ALG12: variants seen among roughly 807,000 people sequenced by gnomAD.
ALG12 encodes the protein ALG12 alpha-1,6-mannosyltransferase.
A neutral mutation model predicts 46.0 loss-of-function variants in ALG12; 36 were observed. That is an observed-to-expected ratio of 0.78 (90% confidence interval 0.60 to 1.03). The LOEUF (loss-of-function observed/expected upper bound fraction) is 1.03. ALG12 is among the 50% of genes least tolerant of loss of function. The pLI is 0.00. For synonymous variants in ALG12, 326 were observed against 291.6 expected (o/e 1.12, Z -1.20); for missense variants, 599 against 633.5 (o/e 0.95, Z 0.58).
At chr22:49,890,705 C>G in the ALG12 span, among the ~76,000 whole-genome samples, 583 of 152,234 alleles carry the variant, frequency 3.8e-3, 4 homozygotes, top group African/African-American at 0.012. Context: ...CTAACTTTCT[C>G]AAAACACTCT....
rs761255281 is a variant in ALG12, at chr22:49,901,246, T to G, written c.*2592A>C. 6 of 152,274 alleles carry G rather than the reference T, an allele frequency of 3.9e-5. No individual in the cohort carries two copies. The highest frequency in any genetic ancestry group is 5.9e-5 in the Non-Finnish European group (4 of 68,072). 9.4% of individuals were successfully genotyped at this position (152,274 alleles called of 1,614,324 possible). Reference sequence around the variant, plus strand: ...GGATGGATGGGGGAGGGAGCCCATGTCTGTGGGATGCTGGGGCCAGGAAGC... The same window carrying G: ...GGATGGATGGGGGAGGGAGCCCATGGCTGTGGGATGCTGGGGCCAGGAAGC... On this transcript the variant is annotated 3_prime_UTR_variant, in exon 10 of 10. Transcript: ENST00000330817.
Position 49,909,268 on chromosome 22 carries a change from G to A in ALG12, c.744C>T (p.Val248=). Reference sequence around the variant, plus strand: ...CCCCCCAGTTGGAGCTTTTGTTCAGGACAGTGTTGTACCAAAGCACCTTTC... The same window carrying A: ...CCCCCCAGTTGGAGCTTTTGTTCAGAACAGTGTTGTACCAAAGCACCTTTC... ...PEGKVLWYNT[V]LNKSSNWGTS... Residue 248 remains valine (V), a synonymous_variant, in exon 6 of 10, where the codon GTC becomes GTT. Transcript: ENST00000330817. 3.1e-6 allele frequency: 5 copies of A among 1,614,220 alleles called. No individual in the cohort carries two copies. In the South Asian group the frequency reaches 4.4e-5, roughly 14 times the overall value.
chr22:49,863,152 C>G, the ALG12 span, among the ~76,000 whole-genome samples: 1 of 152,098 alleles, frequency 6.6e-6, no homozygotes, highest in African/African-American at 2.4e-5. Context: ...GTTCCTCTAT[C>G]CTTTGGTTTC....
Position 49,906,342 on chromosome 22 carries a change from C to T in ALG12, c.992+1379G>A, listed in dbSNP as rs985071366. On this transcript the variant is annotated intron_variant, in intron 7 of 9. Transcript: ENST00000330817. The surrounding 1 kb of genome is among the most constrained non-coding windows in gnomAD (Gnocchi z 4.4). The stretch of plus-strand genomic sequence containing the variant: ...GTCTGCTCCTCCTCCAGCCCTGAGC[C>T]GACCCCTGAGACGAGAGGGAGCCAA... Among the ~76,000 whole-genome samples, 2 of 152,290 alleles carry T rather than the reference C, an allele frequency of 1.3e-5. No homozygotes were observed. Among genetic ancestry groups the T allele is most frequent in the South Asian group, 2.1e-4 (1 of 4,828 alleles).
chr22:49,888,427 T>A, the ALG12 span: 1 of 167,240 alleles, frequency 6.0e-6, no homozygotes, highest in East Asian at 1.9e-4. Flanking sequence ...AAATTAAACT[T>A]CTTATTTGCA....
At chr22:49,888,514 T>G in the ALG12 span, 3 of 167,290 alleles carry the variant, frequency 1.8e-5, no homozygotes, top group Admixed American at 6.5e-5. Context: ...GTCCATTATC[T>G]AGAGCCCATA....
chr22:49,917,951 C>T (rs1252438224), intron 1 of ALG12, among the ~76,000 whole-genome samples: 1 of 151,526 alleles, frequency 6.6e-6, no homozygotes, highest in Non-Finnish European at 1.5e-5. Context: ...GAGGTCCGGC[C>T]CCAGGTGAGG....
chr22:49,863,476 A>T, the ALG12 span, among the ~76,000 whole-genome samples: 1 of 152,138 alleles, frequency 6.6e-6, no homozygotes, highest in Non-Finnish European at 1.5e-5. Context: ...AAAATACAAA[A>T]ATTAGCTGGG....
the ALG12 span, among the ~76,000 whole-genome samples, chr22:49,890,894 AC>A: frequency 2.0e-5 from 3 of 152,018 alleles, no homozygotes; most frequent in African/African-American, 7.2e-5. Flanking sequence ...GGTGGCAGGC[AC>A]CTCTAGTCCC....
In ALG12 at chr22:49,904,326, C is replaced by G; in HGVS notation, c.1162+11G>C. 1 of 1,614,196 alleles carries G rather than the reference C, an allele frequency of 6.2e-7. No homozygotes were observed. Reference sequence around the variant, plus strand: ...CCACAGCAGTCCCCAGGCAGTGCCCCCAGCACCCACCTGTCTGGGGGGGCA... The same window carrying G: ...CCACAGCAGTCCCCAGGCAGTGCCCGCAGCACCCACCTGTCTGGGGGGGCA... On this transcript the variant is annotated intron_variant, in intron 8 of 9. Coordinates refer to ENST00000330817, the MANE Select transcript of ALG12 (RefSeq NM_024105.4).
At chr22:49,862,320 A>T in the ALG12 span, among the ~76,000 whole-genome samples, 1 of 152,180 alleles carries the variant, frequency 6.6e-6, no homozygotes, top group Non-Finnish European at 1.5e-5. Flanking sequence ...TTTTGCTGAG[A>T]CTGGAATTGA....
chr22:49,892,524 T>C, the ALG12 span, among the ~76,000 whole-genome samples: 54,266 of 152,202 alleles, frequency 0.36, 13,869 homozygotes, highest in African/African-American at 0.73. Context: ...TGCTTGTGCT[T>C]GAGGCAAGAG....
intron 3 of ALG12, among the ~76,000 whole-genome samples, chr22:49,913,028 C>T (rs1003555842): frequency 5.9e-5 from 9 of 152,172 alleles, no homozygotes; most frequent in Non-Finnish European, 1.3e-4. Flanking sequence ...TAACATTCCC[C>T]AAGGCAAATG....
At position 49,902,399 on chromosome 22, in the gene ALG12, GGT is replaced by G. The variant is rs1244077150; in HGVS notation, c.*1437_*1438del. On this transcript the variant is annotated 3_prime_UTR_variant, in exon 10 of 10. Transcript: ENST00000330817. ...TGCACGGTGTGTGGTGTGTATGCAT[GGT>G]GTGTGCACATGTGCACTGTGTATGC... is the stretch of plus-strand genomic sequence containing the variant. The G allele has an allele frequency of 6.8e-5, 9 of 132,426 alleles. 2 individuals are homozygous for G. Among genetic ancestry groups the G allele is most frequent in the South Asian group, 4.9e-4 (2 of 4,088 alleles). 8.2% of individuals were successfully genotyped at this position (132,426 alleles called of 1,614,324 possible). A position where few individuals can be genotyped will look rare whatever the true frequency, so the allele number is the denominator to read the frequency against.
intron 1 of ALG12, among the ~76,000 whole-genome samples, chr22:49,917,436 T>C (rs950935936): frequency 6.6e-6 from 1 of 152,182 alleles, no homozygotes; most frequent in Non-Finnish European, 1.5e-5. Context: ...TTTGGGAGGC[T>C]GAGGCAGGCA....
chr22:49,896,722 G>A (rs1017564428), downstream of ALG12, among the ~76,000 whole-genome samples: 9 of 152,018 alleles, frequency 5.9e-5, no homozygotes, highest in Non-Finnish European at 1.2e-4. Context: ...TGCAACCTCC[G>A]CCTCCCGGGT....
At chr22:49,904,656 C>T (rs955972194) in intron 7 of ALG12, 150 bp from the exon 8 acceptor site, 2 of 885,912 alleles carry the variant, frequency 2.3e-6, no homozygotes, top group Non-Finnish European at 3.6e-6. Flanking sequence ...GTCAGTAACC[C>T]GTAAAAGTGG....
At chr22:49,887,411 A>G in the ALG12 span, 3 of 422,866 alleles carry the variant, frequency 7.1e-6, no homozygotes, top group Non-Finnish European at 8.8e-6. Flanking sequence ...CCTGTCAACT[A>G]TGAAATATGG....
chr22:49,881,525 C>T, the ALG12 span, among the ~76,000 whole-genome samples: 9 of 152,292 alleles, frequency 5.9e-5, no homozygotes, highest in African/African-American at 2.2e-4. Context: ...AGCTGAGATA[C>T]AGGCACGCAC....
Sources: allele counts gnomAD v4.1 joint callset (sites outside exome capture counted in the v4.1 genomes callset), GRCh38; gene constraint gnomAD v4.1.1; non-coding constraint Gnocchi (gnomAD v3.1); transcripts MANE v1.5; gene names NCBI Gene and HGNC (gene_info 2026-07-23, HGNC 2026-07-21).